Variants in UBAC2 observed in about 807,000 individuals in gnomAD.
The protein encoded by UBAC2 is ubiquitin-associated domain-containing protein 2.
UBAC2 carries 26 observed loss-of-function variants against 44.0 expected under a neutral mutation model. That is an observed-to-expected ratio of 0.59 (90% CI 0.43 to 0.82). The LOEUF is 0.82. Ranked by LOEUF, UBAC2 falls within the 40% of genes least tolerant of loss-of-function variation. The pLI is 0.00. For synonymous variants in UBAC2, 155 were observed against 154.3 expected, an observed-to-expected ratio of 1.00 and a Z score of -0.04; for missense variants, 329 against 419.4, an observed-to-expected ratio of 0.78 and a Z score of 1.88.
At chr13:99,319,836 A>C (rs2044545197) in intron 6 of UBAC2, among the ~76,000 whole-genome samples, 1 of 152,238 alleles carries the variant, frequency 6.6e-6, no homozygotes, top group Admixed American at 6.5e-5. Flanking sequence ...TGCGTGACTG[A>C]GGAAGACTTA....
chr13:99,244,983 C>T (rs1352168502), intron 4 of UBAC2, among the ~76,000 whole-genome samples: 2 of 152,094 alleles, frequency 1.3e-5, no homozygotes, highest in African/African-American at 4.8e-5. Context: ...CAGGCACGTG[C>T]CACCATGCCT....
chr13:99,203,023 TTTTATTTATTTATTTA>T (rs58103279), intron 1 of UBAC2, among the ~76,000 whole-genome samples: 2 of 146,422 alleles, frequency 1.4e-5, no homozygotes, highest in Non-Finnish European at 3.0e-5. Flanking sequence ...CTTTGTTTTA[TTTTATTTATTTATTTA>T]TTTATTTATT....
chr13:99,216,834 C>CTTTTTTTTTTTT (rs11338165), intron 1 of UBAC2, among the ~76,000 whole-genome samples: 10 of 140,646 alleles, frequency 7.1e-5, no homozygotes, highest in African/African-American at 5.3e-5. Context: ...TTTCTTTTTT[C>CTTTTTTTTTTTT]TTTTTTTTTT....
intron 7 of UBAC2, among the ~76,000 whole-genome samples, chr13:99,348,576 C>T (rs2045028933): frequency 1.3e-5 from 2 of 152,202 alleles, no homozygotes; most frequent in Admixed American, 6.5e-5. Context: ...GAGGCCAGGA[C>T]GGGTCTTCTA....
intron 7 of UBAC2, among the ~76,000 whole-genome samples, chr13:99,356,398 C>A (rs2045183287): frequency 6.6e-6 from 1 of 152,256 alleles, no homozygotes; most frequent in Non-Finnish European, 1.5e-5. Context: ...TTGGAAACTT[C>A]TGTCCCCTAA....
chr13:99,247,616 AG>A (rs1471368916), intron 4 of UBAC2, among the ~76,000 whole-genome samples: 4 of 152,120 alleles, frequency 2.6e-5, no homozygotes, highest in Admixed American at 2.6e-4. Flanking sequence ...GGAGAGCATT[AG>A]GACAAATACC....
intron 3 of UBAC2, 41 bp from the exon 4 acceptor site, chr13:99,244,474 G>T: frequency 7.3e-7 from 1 of 1,368,300 alleles, no homozygotes; most frequent in Non-Finnish European, 1.0e-6. Flanking sequence ...TTATTTTTAG[G>T]AGACTCATCT....
At chr13:99,379,291 G>A (rs1032814785) in intron 8 of UBAC2, among the ~76,000 whole-genome samples, 1 of 152,202 alleles carries the variant, frequency 6.6e-6, no homozygotes, top group African/African-American at 2.4e-5. Flanking sequence ...CTGTAGTTGT[G>A]TCTTTCTGGA....
In UBAC2 at chr13:99,230,425, C is replaced by T. The variant is rs145721308; in HGVS notation, c.32-8002C>T. Among the ~76,000 whole-genome samples the T allele has an allele frequency of 5.2e-4, 79 of 151,788 alleles. No homozygotes were observed. The East Asian group carries it at 6.4e-3, about 12-fold the overall frequency. ...CAGAGGTTGCAGTGAGCTGAGATCA[C>T]GCCACTGCACTCCAGCCTGGGCAAC... On this transcript the variant is annotated intron_variant, in intron 1 of 8. Transcript: ENST00000403766.
At chr13:99,343,377 C>CTCA (rs1555330939) in intron 7 of UBAC2, among the ~76,000 whole-genome samples, 1 of 151,768 alleles carries the variant, frequency 6.6e-6, no homozygotes, top group Non-Finnish European at 1.5e-5. Flanking sequence ...GGTGTCTTTC[C>CTCA]CCCCAGATAC....
chr13:99,201,464 T>C (rs149062267), intron 1 of UBAC2: 43 of 1,613,582 alleles, frequency 2.7e-5, no homozygotes, highest in Non-Finnish European at 3.6e-5. Context: ...CACACACTGA[T>C]GAGAGTGCTT....
At chr13:99,299,385 ATTATG>A (rs1478615497) in intron 4 of UBAC2, among the ~76,000 whole-genome samples, 2 of 152,156 alleles carry the variant, frequency 1.3e-5, no homozygotes, top group East Asian at 3.9e-4. Context: ...TTGACTGGGA[ATTATG>A]TTAAGTGAGG....
chr13:99,281,040 G>A (rs750551756), intron 4 of UBAC2, among the ~76,000 whole-genome samples: 15 of 152,044 alleles, frequency 9.9e-5, no homozygotes, highest in Non-Finnish European at 1.5e-4. Flanking sequence ...ACAAAAATAA[G>A]CCAGGTGTGT....
At chr13:99,242,498 G>A (rs2043319008) in intron 2 of UBAC2, among the ~76,000 whole-genome samples, 1 of 139,478 alleles carries the variant, frequency 7.2e-6, no homozygotes, top group African/African-American at 2.7e-5. Context: ...GGCTGGCCGG[G>A]CGGGGGGCTG....
intron 4 of UBAC2, among the ~76,000 whole-genome samples, chr13:99,297,320 C>A (rs2044191127): frequency 6.6e-6 from 1 of 152,024 alleles, no homozygotes; most frequent in Non-Finnish European, 1.5e-5. Flanking sequence ...ATAAATCTCA[C>A]CTGGAAGTCA....
intron 7 of UBAC2, among the ~76,000 whole-genome samples, chr13:99,346,054 T>A (rs1353881989): frequency 2.0e-5 from 3 of 152,222 alleles, no homozygotes; most frequent in Non-Finnish European, 4.4e-5. Flanking sequence ...ATGTACTGTT[T>A]CTTTGCTAAA....
chr13:99,355,814 G>A (rs1255711423), intron 7 of UBAC2, among the ~76,000 whole-genome samples: 1 of 152,230 alleles, frequency 6.6e-6, no homozygotes, highest in Non-Finnish European at 1.5e-5. Flanking sequence ...TGTGCAGGGG[G>A]CCTGGAGGGC....
At chr13:99,282,115 G>T (rs2043961684) in intron 4 of UBAC2, among the ~76,000 whole-genome samples, 1 of 152,196 alleles carries the variant, frequency 6.6e-6, no homozygotes, top group Non-Finnish European at 1.5e-5. Flanking sequence ...AGGGTGGCTG[G>T]CAGCATCACT....
chr13:99,337,396 A>G (rs1424347482), intron 6 of UBAC2, among the ~76,000 whole-genome samples: 3 of 151,524 alleles, frequency 2.0e-5, no homozygotes, highest in Admixed American at 6.6e-5. Flanking sequence ...TTTATTCCCA[A>G]TTATCTTACA....
Sources: allele counts gnomAD v4.1 joint callset (sites outside exome capture counted in the v4.1 genomes callset), GRCh38; gene constraint gnomAD v4.1.1; transcripts MANE v1.5; gene names NCBI Gene and HGNC (gene_info 2026-07-23, HGNC 2026-07-21).